The following ZFHX3 variants were observed in gnomAD, a reference collection of about 807,000 sequenced individuals.
The protein encoded by ZFHX3 is zinc finger homeobox protein 3.
Under a neutral mutation model 279.1 loss-of-function variants are expected in ZFHX3, and 42 were observed. The ratio of observed to expected loss-of-function variants is 0.15; its 90% CI spans 0.12 to 0.19. The LOEUF (loss-of-function observed/expected upper bound fraction) is 0.19. Ranked by LOEUF, ZFHX3 falls within the 10% of genes least tolerant of loss-of-function variation. The pLI is 1.00. For missense variants in ZFHX3, 4,981 were observed against 4,754.0 expected, an observed-to-expected ratio of 1.05 and a Z score of -1.40; for synonymous variants, 2,293 against 1,957.8, an observed-to-expected ratio of 1.17 and a Z score of -4.52.
chr16:73,269,595 A>T (rs1391270733), intron 4 of ZFHX3, among the ~76,000 whole-genome samples: 1 of 152,160 alleles, frequency 6.6e-6, no homozygotes, highest in African/African-American at 2.4e-5. Flanking sequence ...ACTTTTAGTT[A>T]TTATTAATAA....
rs574159304 is a variant in ZFHX3, at chr16:73,235,788, A to T, written c.-1104+21259T>A. On this transcript the variant is annotated intron_variant, in intron 5 of 17. Transcript: ENST00000641206. ...CCTGGGCTCAAGCAATCCTCCCATC[A>T]GCCTCCAGAGCGGCTGGGACTATAG... Among the ~76,000 whole-genome samples the T allele has an allele frequency of 1.2e-4, 19 of 152,028 alleles. No individual in the cohort carries two copies. The South Asian group carries it at 2.3e-3, about 18-fold the overall frequency.
At chr16:73,417,759 T>C (rs1183352553) in intron 3 of ZFHX3, among the ~76,000 whole-genome samples, 1 of 151,104 alleles carries the variant, frequency 6.6e-6, no homozygotes, top group Non-Finnish European at 1.5e-5. Context: ...GATCACGAGG[T>C]TGGGATATCG....
chr16:73,442,465 C>CT (rs1567485436), intron 3 of ZFHX3, among the ~76,000 whole-genome samples: 1 of 150,654 alleles, frequency 6.6e-6, no homozygotes, highest in East Asian at 2.0e-4. Context: ...CTCAAGGAAT[C>CT]TTTTTTAAAT....
At chr16:73,112,463 A>G (rs1966386456) in intron 7 of ZFHX3, among the ~76,000 whole-genome samples, 1 of 152,160 alleles carries the variant, frequency 6.6e-6, no homozygotes, top group African/African-American at 2.4e-5. Context: ...CTGTAATCCC[A>G]GCACTTTGGG....
At chr16:73,725,670 C>T (rs2142242705) in intron 1 of ZFHX3, among the ~76,000 whole-genome samples, 1 of 152,196 alleles carries the variant, frequency 6.6e-6, no homozygotes, top group South Asian at 2.1e-4. Flanking sequence ...TAAGTCCTCC[C>T]TTTGACCCCT....
chr16:73,571,466 T>C (rs948913457), intron 2 of ZFHX3, among the ~76,000 whole-genome samples: 4 of 152,286 alleles, frequency 2.6e-5, no homozygotes, highest in Non-Finnish European at 4.4e-5. Flanking sequence ...ATGATTAAAC[T>C]CTCTCTGGGT....
In ZFHX3 at chr16:72,783,732, C is replaced by T. The variant is rs1337142543; in HGVS notation, c.*3432G>A. ...CCAACCCACACTATAGGGAGAAAAC[C>T]AAAAAACGAGTGTCAATGGAGGTGA... On this transcript the variant is annotated 3_prime_UTR_variant, in exon 10 of 10. Coordinates refer to ENST00000268489, the MANE Select transcript of ZFHX3 (RefSeq NM_006885.4). The T allele has an allele frequency of 6.6e-6, 1 of 151,980 alleles. No homozygotes were observed. Among genetic ancestry groups the T allele is most frequent in the Non-Finnish European group, 1.5e-5 (1 of 67,950 alleles). 9.4% of individuals were successfully genotyped at this position (151,980 alleles called of 1,614,324 possible).
At chr16:73,704,214 A>G (rs146642596) in intron 1 of ZFHX3, among the ~76,000 whole-genome samples, 57 of 152,276 alleles carry the variant, frequency 3.7e-4, no homozygotes, top group African/African-American at 1.4e-3. Context: ...GAATCCCAGT[A>G]TTAAATAAAT....
chr16:73,624,389 G>A (rs1479415655), intron 2 of ZFHX3, among the ~76,000 whole-genome samples: 4 of 152,082 alleles, frequency 2.6e-5, no homozygotes, highest in Non-Finnish European at 2.9e-5. Context: ...AAGACCTGCC[G>A]TGTGCTAAGG....
At chr16:72,917,692 C>T (rs1441220469) in intron 3 of ZFHX3, among the ~76,000 whole-genome samples, 1 of 152,148 alleles carries the variant, frequency 6.6e-6, no homozygotes, top group Admixed American at 6.5e-5. Flanking sequence ...CACATCTGTA[C>T]AGAAGAGGCC....
intron 1 of ZFHX3, among the ~76,000 whole-genome samples, chr16:72,960,556 GC>G (rs1264561113): frequency 6.6e-6 from 1 of 152,152 alleles, no homozygotes; most frequent in African/African-American, 2.4e-5. Flanking sequence ...CATCTCTCCA[GC>G]CCTCTACGAG....
intron 7 of ZFHX3, among the ~76,000 whole-genome samples, chr16:72,804,862 T>C (rs921392047): frequency 6.6e-6 from 1 of 152,224 alleles, no homozygotes; most frequent in South Asian, 2.1e-4. Flanking sequence ...TAAGTTCTTA[T>C]GGGACCGTTC....
At chr16:73,161,394 C>T (rs986666442) in intron 5 of ZFHX3, among the ~76,000 whole-genome samples, 3 of 152,192 alleles carry the variant, frequency 2.0e-5, no homozygotes, top group South Asian at 2.1e-4. Flanking sequence ...GTCTCAGTCG[C>T]TCAACGGTTA....
intron 4 of ZFHX3, among the ~76,000 whole-genome samples, chr16:72,882,904 C>G (rs1167541139): frequency 6.7e-6 from 1 of 150,310 alleles, no homozygotes; most frequent in East Asian, 2.0e-4. Context: ...ACTGAAGTGC[C>G]AGTGAGGCTG....
intron 8 of ZFHX3, among the ~76,000 whole-genome samples, chr16:73,073,710 G>C (rs1481436927): frequency 6.6e-6 from 1 of 152,070 alleles, no homozygotes; most frequent in East Asian, 1.9e-4. Flanking sequence ...TGTTGGCCAG[G>C]CTTGTCTCAA....
At chr16:73,691,198 A>T (rs368220463) in intron 1 of ZFHX3, among the ~76,000 whole-genome samples, 2 of 152,246 alleles carry the variant, frequency 1.3e-5, no homozygotes, top group African/African-American at 4.8e-5. Context: ...TTCTAAAGAC[A>T]GTCCTGGTGG....
intron 2 of ZFHX3, among the ~76,000 whole-genome samples, chr16:73,517,558 T>TGGGAGGAGCA (rs780746642): frequency 1.5e-4 from 23 of 152,154 alleles, no homozygotes; most frequent in Non-Finnish European, 3.1e-4. Context: ...CAAATTTATT[T>TGGGAGGAGCA]GGGAGGAGCA....
intron 2 of ZFHX3, among the ~76,000 whole-genome samples, chr16:73,479,625 C>T (rs947384112): frequency 1.1e-4 from 16 of 152,276 alleles, no homozygotes; most frequent in African/African-American, 3.6e-4. Context: ...TGAGGGAGGG[C>T]ACTGTGTGTT....
Position 73,719,157 on chromosome 16 carries a change from C to T in ZFHX3, c.-1607-38917G>A, listed in dbSNP as rs565450240. On this transcript the variant is annotated intron_variant, in intron 1 of 17. Transcript: ENST00000641206. ...TTTGAACTTTCACTTTCTAATTGTGCTTCAATGATCCCATCTGAGTATTGA... is the reference window on the plus strand; with the variant it reads ...TTTGAACTTTCACTTTCTAATTGTGTTTCAATGATCCCATCTGAGTATTGA... Among the ~76,000 whole-genome samples the T allele has an allele frequency of 3.1e-4, 47 of 152,282 alleles. No homozygotes were observed. The South Asian group carries it at 9.3e-3, about 30-fold the overall frequency.
Sources: gnomAD v4.1 joint callset for allele counts (sites outside exome capture counted in the v4.1 genomes callset) on GRCh38, gnomAD v4.1.1 for gene constraint, MANE v1.5 for transcripts, NCBI Gene and HGNC (gene_info 2026-07-23, HGNC 2026-07-21) for gene names.